The following RGS22 variants were observed in gnomAD, a reference collection of about 807,000 sequenced individuals.
RGS22 encodes regulator of G-protein signaling 22.
Under a neutral mutation model 172.9 loss-of-function variants are expected in RGS22, and 148 were observed. The ratio of observed to expected loss-of-function variants is 0.86; its 90% CI spans 0.75 to 0.98. RGS22 has a LOEUF of 0.98. Ranked by LOEUF, RGS22 falls within the 50% of genes least tolerant of loss-of-function variation. The probability of loss-of-function intolerance (pLI) is 0.00; values close to 1 mark genes in which losing one functional copy is unlikely to be tolerated. For synonymous variants in RGS22, 458 were observed against 480.2 expected, an observed-to-expected ratio of 0.95 and a Z score of 0.60; for missense variants, 1,347 against 1,440.8, an observed-to-expected ratio of 0.93 and a Z score of 1.05.
chr8:100,034,510 G>C (rs953730548), intron 14 of RGS22, among the ~76,000 whole-genome samples: 1 of 152,158 alleles, frequency 6.6e-6, no homozygotes, highest in Admixed American at 6.5e-5. Flanking sequence ...TGGATAGGAA[G>C]AATCAATATT....
chr8:100,042,166 T>C (rs1820208669), intron 11 of RGS22, among the ~76,000 whole-genome samples: 1 of 152,250 alleles, frequency 6.6e-6, no homozygotes, highest in Admixed American at 6.5e-5. Context: ...TTATTATAGA[T>C]GCCAAATGAC....
chr8:99,992,991 C>T lies in RGS22; in HGVS notation c.3018+3471G>A, dbSNP rs546732065. Among the ~76,000 whole-genome samples the T allele has an allele frequency of 1.8e-3, 280 of 152,274 alleles. 2 individuals are homozygous for T. Among genetic ancestry groups the T allele is most frequent in the African/African-American group, 6.4e-3 (264 of 41,554 alleles). ...TCAAAACCACACAACTACATGGAAA[C>T]TGAACAACTTGCTCCTGAATGACTA... On this transcript the variant is annotated intron_variant, in intron 20 of 27. Transcript: ENST00000360863.
At chr8:100,098,862 A>ATTTTT (rs1395545400) in intron 2 of RGS22, among the ~76,000 whole-genome samples, 1 of 54,836 alleles carries the variant, frequency 1.8e-5, no homozygotes, top group Admixed American at 2.0e-4. Context: ...TTATTATTTT[A>ATTTTT]TTTATTTTAT....
intron 15 of RGS22, among the ~76,000 whole-genome samples, chr8:100,007,351 T>C (rs1011282447): frequency 6.6e-6 from 1 of 152,140 alleles, no homozygotes; most frequent in African/African-American, 2.4e-5. Flanking sequence ...TCAAAGTAAA[T>C]ATTTAAATAA....
intron 23 of RGS22, among the ~76,000 whole-genome samples, chr8:99,974,515 T>C (rs1214536993): frequency 2.6e-5 from 4 of 152,098 alleles, no homozygotes; most frequent in African/African-American, 7.2e-5. Flanking sequence ...CAAATGGATA[T>C]AAGGCCGGGT....
intron 18 of RGS22, 118 bp downstream of exon 18, chr8:100,002,084 A>T: frequency 1.4e-6 from 1 of 702,956 alleles, no homozygotes; most frequent in Non-Finnish European, 2.3e-6. Flanking sequence ...AAGGTCTTTA[A>T]CACATTAGTC....
chr8:99,997,370 C>G (rs1319035648), intron 19 of RGS22, among the ~76,000 whole-genome samples: 1 of 152,162 alleles, frequency 6.6e-6, no homozygotes, highest in African/African-American at 2.4e-5. Context: ...GCCAAATGTC[C>G]TTTTACTTGA....
intron 9 of RGS22, among the ~76,000 whole-genome samples, chr8:100,056,203 T>C (rs1822228324): frequency 6.6e-6 from 1 of 152,084 alleles, no homozygotes; most frequent in South Asian, 2.1e-4. Context: ...GCCCCAGAGA[T>C]CTGTGGAACT....
At chr8:99,995,735 A>G (rs1814292019) in intron 20 of RGS22, among the ~76,000 whole-genome samples, 4 of 152,242 alleles carry the variant, frequency 2.6e-5, no homozygotes, top group Admixed American at 2.6e-4. Flanking sequence ...TAGAATTACC[A>G]TTTGACTCAG....
chr8:99,962,809 T>C, intron 25 of RGS22, 42 bp from the exon 26 acceptor site: 3 of 1,586,396 alleles, frequency 1.9e-6, no homozygotes, highest in Non-Finnish European at 2.6e-6. Flanking sequence ...GTAAAGTAAA[T>C]ATTGGCAAAG....
rs933610445 is a variant in RGS22 at position 99,996,504 on chromosome 8, C to G, written c.2976G>C (p.Glu992Asp). ...IKVQMKDIAE[E>D]LLLQKAEKKI... Reference sequence around the variant, plus strand: ...TCTTTTCAGCCTTCTGTAGTAAGAGCTCTTCTGCTATGTCTTTCATCTGTA... The same window carrying G: ...TCTTTTCAGCCTTCTGTAGTAAGAGGTCTTCTGCTATGTCTTTCATCTGTA... The change falls in exon 20 of 28, where the codon GAG becomes GAC. Residue 992 changes from glutamate (E) to aspartate (D), a missense_variant. Coordinates refer to ENST00000360863, the MANE Select transcript of RGS22 (RefSeq NM_015668.5). The G allele has an allele frequency of 1.3e-5, 21 of 1,613,490 alleles. No individual in the cohort carries two copies. Among genetic ancestry groups the G allele is most frequent in the Non-Finnish European group, 1.5e-5 (18 of 1,179,624 alleles).
chr8:99,977,817 A>C, intron 23 of RGS22, 100 bp downstream of exon 23: 4 of 928,520 alleles, frequency 4.3e-6, no homozygotes, highest in Non-Finnish European at 6.4e-6. Context: ...TGTATTCCAT[A>C]ACTTCTCTCT....
At chr8:100,000,337 A>G (rs1489461406) in intron 18 of RGS22, among the ~76,000 whole-genome samples, 1 of 152,148 alleles carries the variant, frequency 6.6e-6, no homozygotes, top group African/African-American at 2.4e-5. Flanking sequence ...TCCTTTAATA[A>G]TATCATTAAA....
At position 100,047,475 on chromosome 8, in the gene RGS22, A is replaced by G. The variant is rs758209709; in HGVS notation, c.1811T>C (p.Val604Ala). ...LLYPGSSKDD[V>A]IEKGSKYMSE... ...AAGTTGCACCTACCCTTTCTCAATC[A>G]CATCATCCTTAGAAGAACCTGGATA... Residue 604 changes from valine to alanine, a missense_variant, in exon 11 of 28, where the codon GTG becomes GCG. Coordinates refer to ENST00000360863, the MANE Select transcript of RGS22 (RefSeq NM_015668.5). The G allele has an allele frequency of 6.3e-7, 1 of 1,595,476 alleles. No homozygotes were observed. Among genetic ancestry groups the G allele is most frequent in the Non-Finnish European group, 8.5e-7 (1 of 1,173,322 alleles).
At chr8:99,976,565 G>T (rs1785920862) in intron 23 of RGS22, among the ~76,000 whole-genome samples, 1 of 152,154 alleles carries the variant, frequency 6.6e-6, no homozygotes, top group Non-Finnish European at 1.5e-5. Flanking sequence ...GTTTCACCGT[G>T]TTAGCCAGGA....
intron 14 of RGS22, among the ~76,000 whole-genome samples, chr8:100,034,427 C>G (rs569432141): frequency 1.3e-5 from 2 of 152,102 alleles, no homozygotes; most frequent in Non-Finnish European, 2.9e-5. Context: ...AGGACCTCTT[C>G]AAGGAGAACT....
rs3101330 is a variant in RGS22 at position 100,043,281 on chromosome 8, C to T, written c.1824-1365G>A. Among the ~76,000 whole-genome samples the T allele has an allele frequency of 9.6e-3, 1,463 of 152,150 alleles. 50 individuals carry two copies. In the East Asian group the frequency reaches 0.11, roughly 11 times the overall value. Reference sequence around the variant, plus strand: ...TCAGGAAGAAGCGCCCCACCTCCTGCCCGTGGTTAATCTAATTCCCTTGGC... The same window carrying T: ...TCAGGAAGAAGCGCCCCACCTCCTGTCCGTGGTTAATCTAATTCCCTTGGC... On this transcript the variant is annotated intron_variant, in intron 11 of 27. Coordinates refer to ENST00000360863, the MANE Select transcript of RGS22 (RefSeq NM_015668.5).
intron 12 of RGS22, among the ~76,000 whole-genome samples, chr8:100,040,351 C>A (rs1819971683): frequency 6.6e-6 from 1 of 152,126 alleles, no homozygotes; most frequent in South Asian, 2.1e-4. Flanking sequence ...AACTTCCCAG[C>A]CTCAATTATT....
chr8:100,020,179 C>T lies in RGS22; in HGVS notation c.2167-11610G>A, dbSNP rs552232090. ...GATTACAGGTGTGAGCCACCACGCCCGGCCGCAATTTTCTTCTCCTTACCA... is the reference window on the plus strand; with the variant it reads ...GATTACAGGTGTGAGCCACCACGCCTGGCCGCAATTTTCTTCTCCTTACCA... On this transcript the variant is annotated intron_variant, in intron 14 of 27. Coordinates refer to ENST00000360863, the MANE Select transcript of RGS22 (RefSeq NM_015668.5). 1.1e-3 allele frequency among the ~76,000 whole-genome samples: 170 copies of T among 152,216 alleles called. 1 individual carries two copies. Among genetic ancestry groups the T allele is most frequent in the African/African-American group, 3.8e-3 (158 of 41,544 alleles).
Sources: allele counts gnomAD v4.1 joint callset (sites outside exome capture counted in the v4.1 genomes callset), GRCh38; gene constraint gnomAD v4.1.1; transcripts MANE v1.5; gene names NCBI Gene and HGNC (gene_info 2026-07-23, HGNC 2026-07-21).